The following FHIT variants were observed in gnomAD, a reference collection of about 807,000 sequenced individuals.
FHIT encodes the protein fragile histidine triad diadenosine triphosphatase.
Under a neutral mutation model 17.9 loss-of-function variants are expected in FHIT, and 19 were observed. The ratio of observed to expected loss-of-function variants is 1.06; its 90% CI spans 0.74 to 1.56. The LOEUF is 1.56. Ranked by LOEUF, FHIT falls within the 40% of genes most tolerant of loss-of-function variation. The pLI is 0.00. For missense variants in FHIT, 248 were observed against 189.2 expected, an observed-to-expected ratio of 1.31 and a Z score of -1.82; for synonymous variants, 81 against 69.7, an observed-to-expected ratio of 1.16 and a Z score of -0.81.
At chr3:60,121,403 A>G (rs1349032518) in intron 5 of FHIT, among the ~76,000 whole-genome samples, 3 of 152,134 alleles carry the variant, frequency 2.0e-5, no homozygotes, top group Non-Finnish European at 2.9e-5. Flanking sequence ...ACATGTGTAC[A>G]GGCCGGGCAC....
chr3:60,886,147 C>T (rs1553759217), intron 3 of FHIT, among the ~76,000 whole-genome samples: 1 of 152,106 alleles, frequency 6.6e-6, no homozygotes. Flanking sequence ...ATCCATAAGA[C>T]TCAATTATCT....
intron 2 of FHIT, among the ~76,000 whole-genome samples, chr3:61,102,401 A>G (rs1222833180): frequency 1.3e-5 from 2 of 152,224 alleles, no homozygotes; most frequent in African/African-American, 4.8e-5. Flanking sequence ...CCTAGGGTGA[A>G]GCCGACTTGA....
intron 8 of FHIT, among the ~76,000 whole-genome samples, chr3:59,784,765 GCCT>G (rs1461790726): frequency 3.3e-5 from 5 of 152,140 alleles, no homozygotes; most frequent in Non-Finnish European, 7.3e-5. Context: ...AAAAGAACAA[GCCT>G]CAGGCTCCAA....
At chr3:60,310,391 A>G (rs1708886059) in intron 5 of FHIT, among the ~76,000 whole-genome samples, 1 of 152,184 alleles carries the variant, frequency 6.6e-6, no homozygotes, top group Non-Finnish European at 1.5e-5. Flanking sequence ...AAGTAGAACA[A>G]GAATTGGGTG....
At chr3:61,152,417 A>G (rs2037420802) in intron 2 of FHIT, among the ~76,000 whole-genome samples, 1 of 152,264 alleles carries the variant, frequency 6.6e-6, no homozygotes, top group Admixed American at 6.5e-5. Context: ...ACATATTAGA[A>G]GAACAGTAGT....
chr3:60,041,491 A>G (rs1040066695), intron 5 of FHIT, among the ~76,000 whole-genome samples: 5 of 152,250 alleles, frequency 3.3e-5, no homozygotes, highest in African/African-American at 9.6e-5. Flanking sequence ...TGCTAAGTTA[A>G]TTAGCCACAC....
chr3:60,798,784 G>T (rs1276189191), intron 4 of FHIT, among the ~76,000 whole-genome samples: 1 of 115,482 alleles, frequency 8.7e-6, no homozygotes, highest in Non-Finnish European at 1.7e-5. Context: ...TTGAGACTGA[G>T]TCTTGCTCTG....
chr3:60,390,934 A>AT (rs1701206319), intron 5 of FHIT, among the ~76,000 whole-genome samples: 1 of 152,088 alleles, frequency 6.6e-6, no homozygotes, highest in East Asian at 1.9e-4. Flanking sequence ...AATCCCAGCA[A>AT]TTTGGGAGGC....
At chr3:59,772,503 C>A (rs769869218) in intron 8 of FHIT, among the ~76,000 whole-genome samples, 3 of 152,120 alleles carry the variant, frequency 2.0e-5, no homozygotes, top group Non-Finnish European at 4.4e-5. Context: ...TGTTACTATC[C>A]CCATTTCAGA....
At chr3:60,419,146 C>A (rs1333472200) in intron 5 of FHIT, among the ~76,000 whole-genome samples, 1 of 152,192 alleles carries the variant, frequency 6.6e-6, no homozygotes, top group Admixed American at 6.5e-5. Flanking sequence ...CTACCACTTA[C>A]TGGCCAAGTC....
intron 3 of FHIT, among the ~76,000 whole-genome samples, chr3:60,936,035 G>A (rs4974251): frequency 0.52 from 79,513 of 151,982 alleles, 21,363 homozygotes; most frequent in East Asian, 0.67. Context: ...GGCCCTTGTA[G>A]GTGAACTTCC....
chr3:60,618,057 C>G (rs1553676695), intron 4 of FHIT: 4 of 162,342 alleles, frequency 2.5e-5, no homozygotes. Flanking sequence ...AAAAAAGATA[C>G]AAAGTAAATT....
intron 4 of FHIT, among the ~76,000 whole-genome samples, chr3:60,750,812 A>G (rs925041273): frequency 5.9e-5 from 9 of 152,196 alleles, no homozygotes; most frequent in Admixed American, 3.9e-4. Flanking sequence ...GTTCCTGCTT[A>G]TTCCTCTTAT....
intron 3 of FHIT, among the ~76,000 whole-genome samples, chr3:60,836,236 T>A (rs1259494455): frequency 2.0e-5 from 3 of 152,174 alleles, no homozygotes; most frequent in Non-Finnish European, 1.5e-5. Context: ...TGGTATATAT[T>A]TCTCTTTTTT....
At position 60,815,499 on chromosome 3, in the gene FHIT, T is replaced by C. The variant is rs558874753; in HGVS notation, c.-18+6420A>G. On this transcript the variant is annotated intron_variant, in intron 4 of 9. Transcript: ENST00000492590. ...CGCCATTTATTAAATAAGGAAACCT[T>C]TCTCCATTGCTTTTGTTAACTTTGT... Among the ~76,000 whole-genome samples the C allele has an allele frequency of 6.6e-5, 10 of 152,202 alleles. No individual in the cohort carries two copies. The East Asian group carries it at 1.9e-3, about 29-fold the overall frequency.
chr3:60,665,924 G>C (rs1311651754), intron 4 of FHIT, among the ~76,000 whole-genome samples: 1 of 151,744 alleles, frequency 6.6e-6, no homozygotes, highest in African/African-American at 2.4e-5. Flanking sequence ...ACAGTGTTTT[G>C]GGAAGTACTT....
chr3:60,518,041 T>G (rs1004821652), intron 5 of FHIT, among the ~76,000 whole-genome samples: 2 of 152,062 alleles, frequency 1.3e-5, no homozygotes, highest in African/African-American at 4.8e-5. Context: ...AAATAAAAAT[T>G]AGAAGAAAGA....
intron 5 of FHIT, among the ~76,000 whole-genome samples, chr3:60,288,724 TAC>T (rs958190314): frequency 6.6e-6 from 1 of 152,086 alleles, no homozygotes; most frequent in Non-Finnish European, 1.5e-5. Flanking sequence ...ATTATGAGAA[TAC>T]AGATTATACT....
chr3:60,356,655 C>T (rs761378708), intron 5 of FHIT, among the ~76,000 whole-genome samples: 4 of 144,338 alleles, frequency 2.8e-5, no homozygotes, highest in Non-Finnish European at 4.5e-5. Context: ...AAAAGAAAAC[C>T]GAATACCAGA....
Sources: gnomAD v4.1 joint callset for allele counts (sites outside exome capture counted in the v4.1 genomes callset) on GRCh38, gnomAD v4.1.1 for gene constraint, MANE v1.5 for transcripts, NCBI Gene and HGNC (gene_info 2026-07-23, HGNC 2026-07-21) for gene names.